The following NT5DC1 variants were observed in gnomAD, a reference collection of about 807,000 sequenced individuals.
The protein encoded by NT5DC1 is 5'-nucleotidase domain containing 1.
Under a neutral mutation model 59.4 loss-of-function variants are expected in NT5DC1, and 42 were observed. The ratio of observed to expected loss-of-function variants is 0.71; its 90% CI spans 0.55 to 0.92. The LOEUF (loss-of-function observed/expected upper bound fraction) is 0.92, where lower values mean the gene tolerates loss of function less well. NT5DC1 is among the 40% of genes least tolerant of loss of function. NT5DC1 has a pLI of 0.00. For synonymous variants in NT5DC1, 172 were observed against 188.1 expected (o/e 0.91, Z 0.70); for missense variants, 501 against 537.1 (o/e 0.93, Z 0.66).
At chr6:116,225,596 G>T (rs1781892099) in intron 8 of NT5DC1, among the ~76,000 whole-genome samples, 2 of 152,204 alleles carry the variant, frequency 1.3e-5, no homozygotes, top group South Asian at 4.1e-4. Context: ...GGGTGGACAA[G>T]ATGGAGATCA....
chr6:116,153,746 CAT>C (rs1780111414), intron 6 of NT5DC1, among the ~76,000 whole-genome samples: 1 of 152,010 alleles, frequency 6.6e-6, no homozygotes. Flanking sequence ...CTGGTTTAGT[CAT>C]ATTCATTTTT....
intron 6 of NT5DC1, among the ~76,000 whole-genome samples, chr6:116,140,558 C>T (rs1779741222): frequency 6.6e-6 from 1 of 152,102 alleles, no homozygotes; most frequent in South Asian, 2.1e-4. Flanking sequence ...TTAACATTAG[C>T]ATTCTTTTTG....
intron 6 of NT5DC1, among the ~76,000 whole-genome samples, chr6:116,135,202 A>G (rs900170931): frequency 9.2e-5 from 14 of 152,158 alleles, no homozygotes; most frequent in Non-Finnish European, 2.1e-4. Flanking sequence ...TCTTGAATGG[A>G]AATACATATA....
intron 8 of NT5DC1, 83 bp downstream of exon 8, chr6:116,223,214 A>G (rs963311587): frequency 1.7e-4 from 120 of 690,352 alleles, no homozygotes; most frequent in Non-Finnish European, 2.9e-4. Flanking sequence ...ATGCAATGCC[A>G]TGTCTTCTTT....
rs141558247 is a variant in NT5DC1, at chr6:116,144,271, G to A, written c.529+26326G>A. 8.7e-3 allele frequency among the ~76,000 whole-genome samples: 1,317 copies of A among 152,254 alleles called. 18 individuals are homozygous for A. Among genetic ancestry groups the A allele is most frequent in the South Asian group, 0.045 (216 of 4,820 alleles). ...GTATCCCAGCACTTTGGGAGGCCGA[G>A]GCGGGCGGATCATGAAGTCAGGAGA... is the stretch of plus-strand genomic sequence containing the variant. On this transcript the variant is annotated intron_variant, in intron 6 of 11. Transcript: ENST00000319550.
intron 6 of NT5DC1, 69 bp downstream of exon 6, chr6:116,118,014 A>C (rs749359170): frequency 2.5e-6 from 2 of 813,840 alleles, no homozygotes; most frequent in Non-Finnish European, 4.4e-6. Flanking sequence ...GAATTAGCTG[A>C]AAAGTAGGTA....
intron 6 of NT5DC1, among the ~76,000 whole-genome samples, chr6:116,182,432 T>A (rs1780904250): frequency 6.6e-6 from 1 of 152,062 alleles, no homozygotes; most frequent in African/African-American, 2.4e-5. Context: ...AAATGGTAGA[T>A]CTACTTTTAA....
At chr6:116,175,999 T>A (rs780194994) in intron 6 of NT5DC1, among the ~76,000 whole-genome samples, 1 of 152,208 alleles carries the variant, frequency 6.6e-6, no homozygotes, top group East Asian at 1.9e-4. Flanking sequence ...TAATTTTTGA[T>A]TGAATGCTGG....
At chr6:116,209,836 A>G (rs1781537569) in intron 6 of NT5DC1, among the ~76,000 whole-genome samples, 1 of 151,984 alleles carries the variant, frequency 6.6e-6, no homozygotes, top group African/African-American at 2.4e-5. Flanking sequence ...TTATATAGCT[A>G]AACAGGCATA....
chr6:116,215,563 G>C (rs1781673157), intron 6 of NT5DC1, among the ~76,000 whole-genome samples: 1 of 152,126 alleles, frequency 6.6e-6, no homozygotes, highest in South Asian at 2.1e-4. Context: ...CCTCCCAGCT[G>C]TCAGCGTCCT....
At chr6:116,139,943 G>C (rs1275088903) in intron 6 of NT5DC1, among the ~76,000 whole-genome samples, 2 of 152,092 alleles carry the variant, frequency 1.3e-5, no homozygotes, top group Non-Finnish European at 2.9e-5. Context: ...GATTGGACTT[G>C]TGTTTATTGA....
At chr6:116,103,472 A>G (rs1458880685) in intron 1 of NT5DC1, among the ~76,000 whole-genome samples, 1 of 152,028 alleles carries the variant, frequency 6.6e-6, no homozygotes, top group Non-Finnish European at 1.5e-5. Context: ...ATGGTGCCCG[A>G]AAACACAGAG....
rs538254655 is a variant in NT5DC1 at position 116,147,428 on chromosome 6, C to T, written c.529+29483C>T. ...TTGCACTCCAACCTGGGCAACAGAG[C>T]GAGACTACATCTCAAAAAAGAAAAA... On this transcript the variant is annotated intron_variant, in intron 6 of 11. Transcript: ENST00000319550. Among the ~76,000 whole-genome samples, 816 of 149,256 alleles carry T rather than the reference C, an allele frequency of 5.5e-3. 2 individuals are homozygous for T. The highest frequency in any genetic ancestry group is 7.4e-3 in the Non-Finnish European group (501 of 67,496).
At position 116,111,897 on chromosome 6, in the gene NT5DC1, A is replaced by T. The variant is rs867637876; in HGVS notation, c.364+941A>T. ...AAGTCAGATGGGAGGAAAGCCTCTT[A>T]CTCAAATGATGGTCGAGAACTGCTG... On this transcript the variant is annotated intron_variant, in intron 4 of 11. Transcript: ENST00000319550. Among the ~76,000 whole-genome samples the T allele has an allele frequency of 1.3e-4, 20 of 152,318 alleles. No homozygotes were observed. The South Asian group carries it at 2.5e-3, about 19-fold the overall frequency.
chr6:116,238,098 C>T (rs1400722751), intron 9 of NT5DC1, 89 bp from the exon 10 acceptor site: 5 of 887,248 alleles, frequency 5.6e-6, no homozygotes, highest in Non-Finnish European at 8.5e-6. Context: ...ACTCTGATGC[C>T]TGTTGAGAAA....
chr6:116,218,179 C>T (rs112881293), intron 6 of NT5DC1, among the ~76,000 whole-genome samples: 14 of 152,174 alleles, frequency 9.2e-5, no homozygotes, highest in African/African-American at 3.4e-4. Flanking sequence ...AATTGAGATA[C>T]TAATGCAATT....
At chr6:116,168,333 A>G (rs1033113344) in intron 6 of NT5DC1, among the ~76,000 whole-genome samples, 1 of 151,434 alleles carries the variant, frequency 6.6e-6, no homozygotes, top group Non-Finnish European at 1.5e-5. Context: ...CTCATTTCTA[A>G]CCATTTTTCT....
chr6:116,209,191 A>G (rs1437111115), intron 6 of NT5DC1, among the ~76,000 whole-genome samples: 3 of 151,986 alleles, frequency 2.0e-5, no homozygotes, highest in Admixed American at 6.6e-5. Context: ...CTTTTCTTAA[A>G]GGGCCAGATA....
chr6:116,175,897 C>T (rs946175765), intron 6 of NT5DC1, among the ~76,000 whole-genome samples: 1 of 152,082 alleles, frequency 6.6e-6, no homozygotes, highest in African/African-American at 2.4e-5. Context: ...TATGAATCAT[C>T]TGTGAGTCTG....
Sources: allele counts gnomAD v4.1 joint callset (sites outside exome capture counted in the v4.1 genomes callset), GRCh38; gene constraint gnomAD v4.1.1; transcripts MANE v1.5; gene names NCBI Gene and HGNC (gene_info 2026-07-23, HGNC 2026-07-21).